Variants in ACSM2A observed in about 807,000 individuals in gnomAD.
The protein encoded by ACSM2A is acyl-CoA synthetase medium chain family member 2A.
ACSM2A carries 72 observed loss-of-function variants against 76.6 expected under a neutral mutation model. The ratio of observed to expected loss-of-function variants is 0.94; its 90% CI spans 0.78 to 1.14. ACSM2A has a LOEUF of 1.14. Ranked by LOEUF, ACSM2A falls within the 50% of genes most tolerant of loss-of-function variation. The pLI is 0.00. For synonymous variants in ACSM2A, 249 were observed against 255.9 expected (o/e 0.97, Z 0.26); for missense variants, 684 against 708.5 (o/e 0.97, Z 0.39).
chr16:20,463,479 G>A (rs567285408), intron 2 of ACSM2A, among the ~76,000 whole-genome samples: 2,299 of 151,876 alleles, frequency 0.015, 49 homozygotes, highest in African/African-American at 0.052. Context: ...TTATGAGTGA[G>A]TTCATGAGAG....
At chr16:20,460,328 T>A (rs376768201) in intron 2 of ACSM2A, 37 bp downstream of exon 2, 1 of 1,607,124 alleles carries the variant, frequency 6.2e-7, no homozygotes, top group Admixed American at 1.7e-5. Context: ...GTGAGACAAT[T>A]TTGTTGACTT....
chr16:20,478,423 T>C (rs1010507897), intron 9 of ACSM2A, among the ~76,000 whole-genome samples, 153 bp from the exon 10 acceptor site: 1 of 152,194 alleles, frequency 6.6e-6, no homozygotes, highest in Non-Finnish European at 1.5e-5. Context: ...GATCTGAGTT[T>C]AAGACTCTTG....
chr16:20,451,797 C>T (rs1177017957), intron 1 of ACSM2A, 116 bp downstream of exon 1: 2 of 143,510 alleles, frequency 1.4e-5, no homozygotes, highest in African/African-American at 2.6e-5. Context: ...AGCAGAAATT[C>T]CTAGGGACCA....
intron 6 of ACSM2A, 73 bp from the exon 7 acceptor site, chr16:20,475,289 G>A (rs2013666278): frequency 3.7e-6 from 6 of 1,610,022 alleles, no homozygotes; most frequent in Non-Finnish European, 4.2e-6. Context: ...GCTCACAATT[G>A]TAACCACTGT....
intron 2 of ACSM2A, among the ~76,000 whole-genome samples, chr16:20,461,013 C>G (rs1194241738): frequency 2.2e-5 from 3 of 135,538 alleles, no homozygotes; most frequent in Non-Finnish European, 4.6e-5. Context: ...TTCTGAGTTT[C>G]CTTCCCAGCC....
At chr16:20,471,765 T>C (rs2013427159) in intron 6 of ACSM2A, 76 bp downstream of exon 6, 1 of 1,547,478 alleles carries the variant, frequency 6.5e-7, no homozygotes, top group South Asian at 1.3e-5. Flanking sequence ...TTGTAGTTTG[T>C]TTCAATTCAT....
chr16:20,479,807 T>A (rs1042553225), intron 10 of ACSM2A, among the ~76,000 whole-genome samples: 5 of 152,220 alleles, frequency 3.3e-5, no homozygotes, highest in Non-Finnish European at 7.3e-5. Flanking sequence ...ATGATGCCCA[T>A]GAGAAAGTCA....
intron 1 of ACSM2A, among the ~76,000 whole-genome samples, chr16:20,451,929 T>A (rs1171450304): frequency 2.0e-5 from 3 of 150,212 alleles, no homozygotes; most frequent in African/African-American, 7.4e-5. Context: ...GGCTGGTAGT[T>A]GGGTGGTGGT....
chr16:20,484,811 G>T (rs2014300245), intron 13 of ACSM2A, among the ~76,000 whole-genome samples: 2 of 152,164 alleles, frequency 1.3e-5, no homozygotes, highest in Admixed American at 6.5e-5. Flanking sequence ...CTGGGAAGGA[G>T]TGTGACCTTG....
Position 20,471,516 on chromosome 16 carries a change from T to C in ACSM2A, c.741-20T>C. 1.9e-6 allele frequency: 3 copies of C among 1,604,536 alleles called. No homozygotes were observed. The highest frequency in any genetic ancestry group is 2.2e-5 in the East Asian group (1 of 44,782). On this transcript the variant is annotated intron_variant, in intron 5 of 13. Coordinates refer to ENST00000573854, the MANE Select transcript of ACSM2A (RefSeq NM_001308172.2). ...GCATGCACCCACCTATATGTACATG[T>C]GTTTTGTCTGTGTTTTCAGTTGGAC...
At chr16:20,467,164 A>G (rs2013049104) in intron 3 of ACSM2A, among the ~76,000 whole-genome samples, 2 of 152,206 alleles carry the variant, frequency 1.3e-5, no homozygotes, top group Non-Finnish European at 1.5e-5. Context: ...TGAAAATTAT[A>G]AAAGAACCTA....
chr16:20,469,797 T>C, intron 4 of ACSM2A, 78 bp downstream of exon 4: 3 of 1,597,702 alleles, frequency 1.9e-6, no homozygotes, highest in Non-Finnish European at 1.7e-6. Flanking sequence ...AGGTGCTTTA[T>C]TGAGGAGGTG....
rs545144376 is a variant in ACSM2A at position 20,451,766 on chromosome 16, G to A, written c.-9+85G>A. The A allele has an allele frequency of 1.1e-4, 16 of 149,300 alleles. No homozygotes were observed. In the East Asian group the frequency reaches 2.9e-3, roughly 27 times the overall value. The allele number at this position is 149,300 out of a possible 1,614,324, so 9.2% of individuals were successfully genotyped here. A position where few individuals can be genotyped will look rare whatever the true frequency, so the allele number is the denominator to read the frequency against. ...CTTTTAGAGTCACAGCTGGTGAGAA[G>A]AGCAAAAATCCTCACAGAAAAGCAG... is the stretch of plus-strand genomic sequence containing the variant. On this transcript the variant is annotated intron_variant, in intron 1 of 13. Coordinates refer to ENST00000573854, the MANE Select transcript of ACSM2A (RefSeq NM_001308172.2).
chr16:20,475,041 G>C (rs183362481), intron 6 of ACSM2A, among the ~76,000 whole-genome samples: 1 of 152,114 alleles, frequency 6.6e-6, no homozygotes, highest in Non-Finnish European at 1.5e-5. Context: ...TAGTTGCTGG[G>C]GGGTGATCTA....
intron 8 of ACSM2A, chr16:20,476,041 A>C: frequency 1.9e-6 from 2 of 1,061,650 alleles, no homozygotes; most frequent in Non-Finnish European, 2.4e-6. Context: ...GTGGTGAGAA[A>C]TGCGATGGAA....
chr16:20,483,130 C>T lies in ACSM2A; in HGVS notation c.1582C>T (p.Gln528Ter), dbSNP rs1400183782. The T allele has an allele frequency of 1.9e-6, 3 of 1,614,096 alleles. No individual in the cohort carries two copies. The highest frequency in any genetic ancestry group is 2.5e-6 in the Non-Finnish European group (3 of 1,179,988). Reference sequence around the variant, plus strand: ...CCCAGAACAGCTCACCAAGGAGCTGCAGCAGCATGTGAAGTCAGTGACAGC... The same window carrying T: ...CCCAGAACAGCTCACCAAGGAGCTGTAGCAGCATGTGAAGTCAGTGACAGC... The part of the protein sequence containing the change: ...HDPEQLTKEL[Q>*]QHVKSVTAPY... Residue 528 changes from glutamine to a stop codon, truncating the protein, a stop_gained, in exon 13 of 14, where the codon CAG becomes TAG. Coordinates refer to ENST00000573854, the MANE Select transcript of ACSM2A (RefSeq NM_001308172.2). LOFTEE classifies it high-confidence loss of function.
intron 10 of ACSM2A, among the ~76,000 whole-genome samples, chr16:20,480,295 G>A (rs2014009854): frequency 6.6e-6 from 1 of 152,178 alleles, no homozygotes; most frequent in South Asian, 2.1e-4. Flanking sequence ...TGGGGAAAAT[G>A]CCCTAAGCAT....
In ACSM2A at chr16:20,471,056, A is replaced by G. The variant is rs528060521; in HGVS notation, c.597-17A>G. ...CCAGTCTAGCTCTGAAAAAATGACA[A>G]TCTGTGTCTCTGTCAGTGAGGCATC... is the stretch of plus-strand genomic sequence containing the variant. On this transcript the variant is annotated splice_polypyrimidine_tract_variant and intron_variant, in intron 4 of 13. Coordinates refer to ENST00000573854, the MANE Select transcript of ACSM2A (RefSeq NM_001308172.2). 1.2e-6 allele frequency: 2 copies of G among 1,612,792 alleles called. No individual in the cohort carries two copies. The highest frequency in any genetic ancestry group is 8.5e-7 in the Non-Finnish European group (1 of 1,179,210).
chr16:20,476,360 T>G, intron 8 of ACSM2A: 1 of 981,952 alleles, frequency 1.0e-6, no homozygotes, highest in Non-Finnish European at 1.2e-6. Flanking sequence ...CTTCTCCTTT[T>G]TCCAGTGCCT....
Sources: allele counts gnomAD v4.1 joint callset (sites outside exome capture counted in the v4.1 genomes callset), GRCh38; gene constraint gnomAD v4.1.1; transcripts MANE v1.5; gene names NCBI Gene and HGNC (gene_info 2026-07-23, HGNC 2026-07-21).